ST3GAL2: variants seen among roughly 807,000 people sequenced by gnomAD.
ST3GAL2 encodes ST3 beta-galactoside alpha-2,3-sialyltransferase 2.
Under a neutral mutation model 37.5 loss-of-function variants are expected in ST3GAL2, and 16 were observed. That is an observed-to-expected ratio of 0.43 (90% CI 0.29 to 0.65). ST3GAL2 has a LOEUF of 0.65. ST3GAL2 is among the 30% of genes least tolerant of loss of function. The pLI, the probability that ST3GAL2 is intolerant of heterozygous loss-of-function variation, is 0.17. For synonymous variants in ST3GAL2, 238 were observed against 202.9 expected (o/e 1.17, Z -1.47); for missense variants, 383 against 487.8 (o/e 0.79, Z 2.02).
chr16:70,381,982 A>T (rs962566068), intron 6 of ST3GAL2, 120 bp from the exon 7 acceptor site: 12 of 1,317,734 alleles, frequency 9.1e-6, no homozygotes, highest in African/African-American at 8.8e-5. Context: ...AGGAGCCCCC[A>T]GGCCTGGCCT....
chr16:70,394,566 C>G (rs1353377157), intron 3 of ST3GAL2, among the ~76,000 whole-genome samples: 1 of 152,132 alleles, frequency 6.6e-6, no homozygotes, highest in Admixed American at 6.6e-5. Context: ...TTTGTAGACA[C>G]AGGGTTTCGC....
intron 1 of ST3GAL2, among the ~76,000 whole-genome samples, chr16:70,410,584 C>A (rs2047631026): frequency 6.6e-6 from 1 of 151,696 alleles, no homozygotes; most frequent in Non-Finnish European, 1.5e-5. Flanking sequence ...CCCTCCTGGT[C>A]TGGAAATTAT....
intron 1 of ST3GAL2, among the ~76,000 whole-genome samples, chr16:70,436,462 A>G (rs1037592588): frequency 2.0e-5 from 3 of 151,670 alleles, no homozygotes; most frequent in African/African-American, 4.8e-5. Flanking sequence ...AAAAAAGAAA[A>G]AAAAAAAAAA....
At chr16:70,410,240 C>CATTTTTTTTTTTTTTTTTTTTTTTTTTT in intron 1 of ST3GAL2, among the ~76,000 whole-genome samples, 1 of 62,664 alleles carries the variant, frequency 1.6e-5, no homozygotes, top group Non-Finnish European at 2.9e-5. Context: ...CCACCCTCAC[C>CATTTTTTTTTTTTTTTTTTTTTTTTTTT]TTTTTTTTTT....
intron 1 of ST3GAL2, among the ~76,000 whole-genome samples, chr16:70,436,753 T>A (rs1238979740): frequency 6.6e-6 from 1 of 152,062 alleles, no homozygotes; most frequent in East Asian, 1.9e-4. Flanking sequence ...ACCCACTAGG[T>A]GCTAAGGACC....
In ST3GAL2 at chr16:70,377,550, C is replaced by A. The variant is rs184436363; in HGVS notation, c.*4139G>T. The A allele has an allele frequency of 6.7e-6, 1 of 150,366 alleles. No homozygotes were observed. The allele number at this position is 150,366 out of a possible 1,614,324, so 9.3% of individuals were successfully genotyped here. ...GTTAAATAAGCAACCAGAGGCCGGG[C>A]ACGGTGGCTCACACCTGTAATGCCA... On this transcript the variant is annotated 3_prime_UTR_variant, in exon 7 of 7. Transcript: ENST00000342907.
chr16:70,390,333 G>A (rs964360654), intron 3 of ST3GAL2, among the ~76,000 whole-genome samples: 38 of 152,292 alleles, frequency 2.5e-4, no homozygotes, highest in African/African-American at 7.5e-4. Context: ...TCAGCCTCCT[G>A]AGTAGCCATA....
In ST3GAL2 at chr16:70,376,278, G is replaced by A. The variant is rs1474481143; in HGVS notation, c.*5411C>T. 2 of 152,200 alleles carry A rather than the reference G, an allele frequency of 1.3e-5. No homozygotes were observed. Among genetic ancestry groups the A allele is most frequent in the Admixed American group, 6.5e-5 (1 of 15,276 alleles). 9.4% of individuals were successfully genotyped at this position (152,200 alleles called of 1,614,324 possible). On this transcript the variant is annotated 3_prime_UTR_variant, in exon 7 of 7. Transcript: ENST00000342907. ...ATTTTTGTAATTTTAAAAAAGGAAA[G>A]GCAAAGTCATTTTATAGCAAGGCCG... is the stretch of plus-strand genomic sequence containing the variant.
At chr16:70,394,531 A>G (rs1032766935) in intron 3 of ST3GAL2, among the ~76,000 whole-genome samples, 2 of 152,074 alleles carry the variant, frequency 1.3e-5, no homozygotes, top group African/African-American at 4.8e-5. Context: ...ACACGCCACA[A>G]TGCCCAGCTA....
At chr16:70,396,939 CCT>C (rs939345893) in intron 2 of ST3GAL2, among the ~76,000 whole-genome samples, 1 of 152,072 alleles carries the variant, frequency 6.6e-6, no homozygotes, top group African/African-American at 2.4e-5. Flanking sequence ...TCCCTTAGCC[CCT>C]GAGGGTTCTT....
At chr16:70,416,431 AAAGAACCCT>A (rs2047677122) in intron 1 of ST3GAL2, among the ~76,000 whole-genome samples, 1 of 152,182 alleles carries the variant, frequency 6.6e-6, no homozygotes. Flanking sequence ...CTCTCACTTA[AAAGAACCCT>A]AAGAACTCTC....
At chr16:70,391,423 G>C (rs923801713) in intron 3 of ST3GAL2, among the ~76,000 whole-genome samples, 1 of 152,162 alleles carries the variant, frequency 6.6e-6, no homozygotes. Context: ...CTGCCCCTTT[G>C]AGCCCGGTCT....
Position 70,381,508 on chromosome 16 carries a change from T to C in ST3GAL2, c.*181A>G. The C allele has an allele frequency of 1.4e-6, 1 of 698,988 alleles. No individual in the cohort carries two copies. Among genetic ancestry groups the C allele is most frequent in the Non-Finnish European group, 2.3e-6 (1 of 431,358 alleles). 43.3% of individuals were successfully genotyped at this position (698,988 alleles called of 1,614,324 possible). On this transcript the variant is annotated 3_prime_UTR_variant, in exon 7 of 7. Transcript: ENST00000342907. ...ATGATTGGCTGGGAGAAACAGAAGC[T>C]CCGCCCGACCGCAGCGCAGATTGGT... is the stretch of plus-strand genomic sequence containing the variant.
At chr16:70,385,795 C>T (rs987384259) in intron 4 of ST3GAL2, among the ~76,000 whole-genome samples, 10 of 149,876 alleles carry the variant, frequency 6.7e-5, no homozygotes, top group African/African-American at 2.5e-4. Flanking sequence ...CCTCTGCCTC[C>T]CGGGTTCAAG....
chr16:70,436,878 G>A (rs2047829121), intron 1 of ST3GAL2, among the ~76,000 whole-genome samples: 1 of 152,098 alleles, frequency 6.6e-6, no homozygotes, highest in Admixed American at 6.6e-5. Flanking sequence ...ATGTGGTATA[G>A]GACAACGCAA....
intron 6 of ST3GAL2, 135 bp from the exon 7 acceptor site, chr16:70,381,997 A>G: frequency 1.1e-6 from 1 of 951,250 alleles, no homozygotes; most frequent in South Asian, 1.6e-5. Flanking sequence ...TGGCCTAAGG[A>G]CATGGACTCA....
At chr16:70,389,562 TCAAGGGATTCTCCTGCCTCAGCCTCC>T (rs1190792208) in intron 3 of ST3GAL2, among the ~76,000 whole-genome samples, 3 of 152,024 alleles carry the variant, frequency 2.0e-5, no homozygotes, top group Non-Finnish European at 2.9e-5. Context: ...CCTCCTGGGT[TCAAGGGATTCTCCTGCCTCAGCCTCC>T]CAAGTAGCTG....
At chr16:70,437,661 G>C (rs994600388) in intron 1 of ST3GAL2, among the ~76,000 whole-genome samples, 1 of 152,178 alleles carries the variant, frequency 6.6e-6, no homozygotes, top group Non-Finnish European at 1.5e-5. Context: ...CCTCCACAGA[G>C]AGATCAGGGC....
At chr16:70,408,481 T>G (rs1427100844) in intron 1 of ST3GAL2, among the ~76,000 whole-genome samples, 1 of 151,978 alleles carries the variant, frequency 6.6e-6, no homozygotes, top group African/African-American at 2.4e-5. Flanking sequence ...GCGAGGCCTG[T>G]CCTTGACCTG....
Sources: allele counts gnomAD v4.1 joint callset (sites outside exome capture counted in the v4.1 genomes callset), GRCh38; gene constraint gnomAD v4.1.1; transcripts MANE v1.5; gene names NCBI Gene and HGNC (gene_info 2026-07-23, HGNC 2026-07-21).